Variants in TMEM218 observed in about 807,000 individuals in gnomAD.
TMEM218 encodes the protein transmembrane protein 218.
A neutral mutation model predicts 10.0 loss-of-function variants in TMEM218; 8 were observed. That is an observed-to-expected ratio of 0.80 (90% confidence interval 0.47 to 1.44). The LOEUF is 1.44. Among genes scored for constraint, TMEM218 ranks in the 40% most tolerant of loss-of-function variants. TMEM218 has a pLI of 0.00. For synonymous variants in TMEM218, 66 were observed against 63.5 expected (o/e 1.04, Z -0.18); for missense variants, 110 against 140.1 (o/e 0.79, Z 1.08).
At position 125,096,501 on chromosome 11, in the gene TMEM218, C is replaced by T. The variant is rs1055306888; in HGVS notation, c.*1105G>A. The T allele has an allele frequency of 6.6e-6, 1 of 152,064 alleles. No homozygotes were observed. Among genetic ancestry groups the T allele is most frequent in the Admixed American group, 6.6e-5 (1 of 15,264 alleles). The allele number at this position is 152,064 out of a possible 1,614,324, so 9.4% of individuals were successfully genotyped here. A position where few individuals can be genotyped will look rare whatever the true frequency, so the allele number is the denominator to read the frequency against. On this transcript the variant is annotated 3_prime_UTR_variant, in exon 5 of 5. Coordinates refer to ENST00000682305, the MANE Select transcript of TMEM218 (RefSeq NM_001258244.2). ...TCTCTTTAAGCTTCCATTTTTTCTA[C>T]TTTAAAGTGGGGATGATAAAAATGA...
intron 4 of TMEM218, 46 bp downstream of exon 4, chr11:125,101,155 A>G: frequency 6.6e-7 from 1 of 1,522,476 alleles, no homozygotes; most frequent in Non-Finnish European, 9.1e-7. Context: ...GACCAAGAGA[A>G]ATAAGAATCA....
intron 4 of TMEM218, among the ~76,000 whole-genome samples, chr11:125,098,583 C>A (rs1565417298): frequency 6.6e-6 from 1 of 152,170 alleles, no homozygotes; most frequent in South Asian, 2.1e-4. Flanking sequence ...AATCCCAGTA[C>A]CTAGGAGAAT....
At chr11:125,107,830 A>G (rs752048639) in intron 1 of TMEM218, among the ~76,000 whole-genome samples, 32 of 150,120 alleles carry the variant, frequency 2.1e-4, no homozygotes, top group Non-Finnish European at 4.3e-4. Context: ...CATAAATATG[A>G]ATATAAAAGA....
intron 1 of TMEM218, chr11:125,103,758 T>G (rs925523287): frequency 6.6e-6 from 1 of 152,158 alleles, no homozygotes; most frequent in Non-Finnish European, 1.5e-5. Context: ...CCACACTACC[T>G]CTCCTGGTTT....
At chr11:125,101,092 G>T in intron 4 of TMEM218, 109 bp downstream of exon 4, 1 of 838,408 alleles carries the variant, frequency 1.2e-6, no homozygotes, top group Non-Finnish European at 1.9e-6. Context: ...TTACAATTCT[G>T]ACATCTCAGG....
intron 1 of TMEM218, among the ~76,000 whole-genome samples, chr11:125,111,184 G>A (rs750107863): frequency 6.6e-6 from 1 of 152,152 alleles, no homozygotes; most frequent in Non-Finnish European, 1.5e-5. Context: ...TGAACTCTAA[G>A]CTTCTCCCCA....
rs2186889 is a variant in TMEM218, at chr11:125,108,819, T to G, written c.-153+2720A>C. ...TGAGTATCCTGTGGGATACTCAAAATTTGCACAGGATGCAGGACAATTCTT... is the reference window on the plus strand; with the variant it reads ...TGAGTATCCTGTGGGATACTCAAAAGTTGCACAGGATGCAGGACAATTCTT... On this transcript the variant is annotated intron_variant, in intron 1 of 4. Transcript: ENST00000682305. The surrounding 1 kb of genome is among the most constrained non-coding windows in gnomAD (Gnocchi z 5.3). 0.93 allele frequency among the ~76,000 whole-genome samples: 141,773 copies of G among 152,308 alleles called. 66,213 individuals carry two copies. The highest frequency in any genetic ancestry group is 1 in the East Asian group (5,181 of 5,194).
In TMEM218 at chr11:125,102,242, C is replaced by G. The variant is rs2135779940; in HGVS notation, c.-1G>C. ...CGACTCCGAGCACAGTGCCAGCCAT[C>G]CCGCGGGGAGGCAGCGGCGGCCCCC... On this transcript the variant is annotated 5_prime_UTR_variant, in exon 3 of 5. Transcript: ENST00000682305. 5 of 1,612,624 alleles carry G rather than the reference C, an allele frequency of 3.1e-6. No individual in the cohort carries two copies. The East Asian group carries it at 1.1e-4, about 36-fold the overall frequency.
chr11:125,107,797 G>GTATATATATATATA (rs1389771222), intron 1 of TMEM218, among the ~76,000 whole-genome samples: 2 of 147,362 alleles, frequency 1.4e-5, no homozygotes, highest in African/African-American at 5.1e-5. Context: ...GTGGATATGT[G>GTATATATATATATA]TGTATATATA....
At position 125,097,665 on chromosome 11, in the gene TMEM218, A is replaced by G. The variant is rs368151930; in HGVS notation, c.289T>C (p.Leu97=). ...LSAIFLGGLF[L]VLIHYVLEPI... The stretch of plus-strand genomic sequence containing the variant: ...TCCAGAACATAATGGATTAAAACCA[A>G]GAAGAGGCCTCCAAGGAAGATGGCA... Residue 97 remains leucine, a synonymous_variant, in exon 5 of 5, where the codon TTG becomes CTG. Coordinates refer to ENST00000682305, the MANE Select transcript of TMEM218 (RefSeq NM_001258244.2). 3 of 1,614,082 alleles carry G rather than the reference A, an allele frequency of 1.9e-6. No homozygotes were observed. The African/African-American group carries it at 4.0e-5, about 22-fold the overall frequency.
chr11:125,102,538 C>T, intron 2 of TMEM218, 196 bp downstream of exon 2: 2 of 1,405,564 alleles, frequency 1.4e-6, no homozygotes, highest in South Asian at 2.5e-5. Context: ...GAAGTTTTTT[C>T]TGAGTGTTTC....
chr11:125,102,678 G>A, intron 2 of TMEM218, 56 bp downstream of exon 2: 1 of 1,292,162 alleles, frequency 7.7e-7, no homozygotes, highest in African/African-American at 1.5e-5. Context: ...GAACTCCAGG[G>A]CCAAAGCAGA....
chr11:125,105,664 G>C (rs1452074229), intron 1 of TMEM218, among the ~76,000 whole-genome samples: 1 of 152,082 alleles, frequency 6.6e-6, no homozygotes, highest in Admixed American at 6.5e-5. Flanking sequence ...TTTTGTTTTG[G>C]AGGAGGTATA....
rs1949667518 is a variant in TMEM218 at position 125,096,472 on chromosome 11, C to T, written c.*1134G>A. On this transcript the variant is annotated 3_prime_UTR_variant, in exon 5 of 5. Coordinates refer to ENST00000682305, the MANE Select transcript of TMEM218 (RefSeq NM_001258244.2). ...GTTAGGTGAAGGTTGGGCAAGTCAG[C>T]TGATCTCTTTAAGCTTCCATTTTTT... 1 of 151,512 alleles carries T rather than the reference C, an allele frequency of 6.6e-6. No homozygotes were observed. The allele number at this position is 151,512 out of a possible 1,614,324, so 9.4% of individuals were successfully genotyped here.
intron 1 of TMEM218, chr11:125,110,865 A>C (rs1161564991): frequency 8.9e-5 from 9 of 100,978 alleles, no homozygotes; most frequent in Non-Finnish European, 1.1e-4. Context: ...GGGGGGGGTT[A>C]CTTTCACACT....
At position 125,096,894 on chromosome 11, in the gene TMEM218, T is replaced by C. The variant is rs1591358508; in HGVS notation, c.*712A>G. On this transcript the variant is annotated 3_prime_UTR_variant, in exon 5 of 5. Coordinates refer to ENST00000682305, the MANE Select transcript of TMEM218 (RefSeq NM_001258244.2). ...AAGGCACACACAGCCCACCACATCATGGAAGAAAAAAACCTACAGATACAT... is the reference window on the plus strand; with the variant it reads ...AAGGCACACACAGCCCACCACATCACGGAAGAAAAAAACCTACAGATACAT... 1.3e-5 allele frequency: 2 copies of C among 152,074 alleles called. No homozygotes were observed. Among genetic ancestry groups the C allele is most frequent in the African/African-American group, 4.8e-5 (2 of 41,498 alleles). 9.4% of individuals were successfully genotyped at this position (152,074 alleles called of 1,614,324 possible).
rs1202695520 is a variant in TMEM218, at chr11:125,094,395, T to A, written c.*3211A>T. ...TTTGTTATTCATACTAAAATGATCA[T>A]TAGAATCCTTTAATGAAACTTTTAC... On this transcript the variant is annotated 3_prime_UTR_variant, in exon 5 of 5. Coordinates refer to ENST00000682305, the MANE Select transcript of TMEM218 (RefSeq NM_001258244.2). Among the ~76,000 whole-genome samples, 1 of 152,240 alleles carries A rather than the reference T, an allele frequency of 6.6e-6. No individual in the cohort carries two copies. Among genetic ancestry groups the A allele is most frequent in the Non-Finnish European group, 1.5e-5 (1 of 68,040 alleles).
intron 4 of TMEM218, among the ~76,000 whole-genome samples, chr11:125,099,997 A>G (rs1950431038): frequency 6.6e-6 from 1 of 151,776 alleles, no homozygotes; most frequent in Admixed American, 6.6e-5. Context: ...CCACACCTCC[A>G]GAGTGTTTTC....
At chr11:125,106,596 T>C (rs1287207041) in intron 1 of TMEM218, among the ~76,000 whole-genome samples, 1 of 152,230 alleles carries the variant, frequency 6.6e-6, no homozygotes, top group Non-Finnish European at 1.5e-5. Context: ...CTCAACTTCA[T>C]TAGTCATCCG....
Sources: gnomAD v4.1 joint callset for allele counts (sites outside exome capture counted in the v4.1 genomes callset) on GRCh38, gnomAD v4.1.1 for gene constraint, Gnocchi (gnomAD v3.1) non-coding constraint, MANE v1.5 for transcripts, NCBI Gene and HGNC (gene_info 2026-07-23, HGNC 2026-07-21) for gene names.